The following CALN1 variants were observed in gnomAD, a reference collection of about 807,000 sequenced individuals.
CALN1 encodes the protein calneuron 1.
CALN1 carries 17 observed loss-of-function variants against 30.6 expected under a neutral mutation model. The observed-to-expected ratio is 0.56, with a 90% CI of 0.38 to 0.83. The LOEUF (loss-of-function observed/expected upper bound fraction) is 0.83, where lower values mean the gene tolerates loss of function less well. Ranked by LOEUF, CALN1 falls within the 40% of genes least tolerant of loss-of-function variation. The pLI is 0.00. For synonymous variants in CALN1, 156 were observed against 131.4 expected, an observed-to-expected ratio of 1.19 and a Z score of -1.28; for missense variants, 291 against 354.9, an observed-to-expected ratio of 0.82 and a Z score of 1.45.
At chr7:72,303,603 T>C (rs965955112) in intron 2 of CALN1, among the ~76,000 whole-genome samples, 2 of 151,142 alleles carry the variant, frequency 1.3e-5, no homozygotes, top group Non-Finnish European at 3.0e-5. Flanking sequence ...ATATGCTTAG[T>C]GAGAAGGAGA....
chr7:72,044,692 G>A (rs1182724747), intron 4 of CALN1, among the ~76,000 whole-genome samples: 1 of 142,714 alleles, frequency 7.0e-6, no homozygotes, highest in African/African-American at 2.6e-5. Context: ...GCTCATTGCA[G>A]GCTCGAACTC....
intron 2 of CALN1, among the ~76,000 whole-genome samples, chr7:72,285,116 TGAGA>T (rs1340430537): frequency 1.3e-5 from 2 of 152,144 alleles, no homozygotes; most frequent in Non-Finnish European, 2.9e-5. Flanking sequence ...GTAAAAGAAC[TGAGA>T]GAAAGCATTG....
intron 3 of CALN1, among the ~76,000 whole-genome samples, chr7:72,162,188 TGA>T (rs1255490780): frequency 6.6e-6 from 1 of 151,890 alleles, no homozygotes; most frequent in Non-Finnish European, 1.5e-5. Context: ...CAAAATTCAC[TGA>T]GAGTCACATA....
chr7:72,035,763 T>C (rs1801755615), intron 4 of CALN1, among the ~76,000 whole-genome samples: 1 of 152,222 alleles, frequency 6.6e-6, no homozygotes, highest in African/African-American at 2.4e-5. Flanking sequence ...CTTTCAATTG[T>C]TGATGTCACA....
chr7:72,182,468 C>A (rs1789882275), intron 3 of CALN1, among the ~76,000 whole-genome samples: 1 of 152,080 alleles, frequency 6.6e-6, no homozygotes, highest in South Asian at 2.1e-4. Flanking sequence ...ACCTATAATC[C>A]AACCACTTTA....
intron 3 of CALN1, among the ~76,000 whole-genome samples, chr7:72,150,867 G>GATGAT (rs1787182554): frequency 7.8e-6 from 1 of 127,980 alleles, no homozygotes; most frequent in Non-Finnish European, 1.8e-5. Context: ...TATTTGCTGT[G>GATGAT]ATGATATGAT....
intron 4 of CALN1, among the ~76,000 whole-genome samples, chr7:72,100,991 TC>T (rs1184102944): frequency 6.6e-6 from 1 of 151,652 alleles, no homozygotes; most frequent in African/African-American, 2.4e-5. Context: ...TGAGACGGAG[TC>T]TTGCTTTGTC....
At chr7:72,326,004 C>T (rs1038119129) in intron 2 of CALN1, among the ~76,000 whole-genome samples, 3 of 152,134 alleles carry the variant, frequency 2.0e-5, no homozygotes, top group Non-Finnish European at 4.4e-5. Context: ...CGGGTTCAAG[C>T]GATTCTCCTG....
intron 6 of CALN1, among the ~76,000 whole-genome samples, chr7:71,807,110 C>T (rs1011716525): frequency 6.6e-6 from 1 of 152,042 alleles, no homozygotes; most frequent in Admixed American, 6.6e-5. Context: ...GGCCCCAAAG[C>T]GCTCAAGGCT....
At chr7:71,818,136 T>C (rs1036563928) in intron 5 of CALN1, among the ~76,000 whole-genome samples, 4 of 152,126 alleles carry the variant, frequency 2.6e-5, no homozygotes, top group African/African-American at 9.7e-5. Context: ...TTGAATTCAA[T>C]GTGGTACATG....
At chr7:72,267,874 T>C (rs185490327) in intron 3 of CALN1, among the ~76,000 whole-genome samples, 5 of 152,070 alleles carry the variant, frequency 3.3e-5, no homozygotes, top group Non-Finnish European at 2.9e-5. Context: ...AGGTGTGGTG[T>C]TGTGCACTTG....
chr7:72,314,739 G>A (rs907770004), intron 2 of CALN1, among the ~76,000 whole-genome samples: 2 of 151,454 alleles, frequency 1.3e-5, no homozygotes, highest in Non-Finnish European at 2.9e-5. Context: ...TTAAAAGAAC[G>A]CAGAGGTAAG....
intron 2 of CALN1, among the ~76,000 whole-genome samples, chr7:72,334,124 T>C (rs1278297524): frequency 1.3e-5 from 2 of 152,124 alleles, no homozygotes; most frequent in Non-Finnish European, 2.9e-5. Flanking sequence ...GAGGATGACA[T>C]GAGCTCAAAG....
At chr7:72,243,825 A>G (rs1043387981) in intron 3 of CALN1, among the ~76,000 whole-genome samples, 3 of 152,214 alleles carry the variant, frequency 2.0e-5, no homozygotes, top group South Asian at 2.1e-4. Flanking sequence ...CTACCTAACT[A>G]AAGTCCAGAG....
chr7:71,812,532 C>T (rs1376620661), intron 5 of CALN1, among the ~76,000 whole-genome samples: 3 of 152,106 alleles, frequency 2.0e-5, no homozygotes, highest in Admixed American at 6.6e-5. Flanking sequence ...AACAGAATGC[C>T]GTGATTCACA....
chr7:72,174,557 G>C (rs1378873878), intron 3 of CALN1, among the ~76,000 whole-genome samples: 2 of 152,078 alleles, frequency 1.3e-5, no homozygotes, highest in African/African-American at 2.4e-5. Flanking sequence ...CCACACCATA[G>C]AATATCACCC....
chr7:72,119,344 G>C (rs573554787), intron 3 of CALN1, among the ~76,000 whole-genome samples: 94 of 151,848 alleles, frequency 6.2e-4, no homozygotes, highest in Non-Finnish European at 1.2e-3. Flanking sequence ...TTTAAAAACT[G>C]TCAGATCTCA....
At chr7:72,309,846 T>C (rs1799921455) in intron 2 of CALN1, among the ~76,000 whole-genome samples, 1 of 152,122 alleles carries the variant, frequency 6.6e-6, no homozygotes. Context: ...TCCAGGGAGA[T>C]TTGCTGACTT....
chr7:72,468,990 T>TC, the CALN1 span, among the ~76,000 whole-genome samples: 1 of 152,226 alleles, frequency 6.6e-6, no homozygotes, highest in Admixed American at 6.5e-5. Context: ...GCAATTCTTT[T>TC]CCCATTTTGT....
Sources: allele counts gnomAD v4.1 joint callset (sites outside exome capture counted in the v4.1 genomes callset), GRCh38; gene constraint gnomAD v4.1.1; transcripts MANE v1.5; gene names NCBI Gene and HGNC (gene_info 2026-07-23, HGNC 2026-07-21).